The following ZNF268 variants were observed in gnomAD, a reference collection of about 807,000 sequenced individuals.
The protein encoded by ZNF268 is zinc finger protein 268, also known as zinc finger protein 3.
In ZNF268, 20 loss-of-function variants were observed where a neutral mutation model predicts 29.3. That is an observed-to-expected ratio of 0.68 (90% CI 0.48 to 0.99). The LOEUF is 0.99. Among genes scored for constraint, ZNF268 ranks in the 50% least tolerant of loss-of-function variants. The pLI is 0.00. For synonymous variants in ZNF268, 429 were observed against 376.9 expected, an observed-to-expected ratio of 1.14 and a Z score of -1.60; for missense variants, 1,240 against 1,121.6, an observed-to-expected ratio of 1.11 and a Z score of -1.51.
chr12:133,185,419 G>A (rs1956286496), intron 2 of ZNF268, among the ~76,000 whole-genome samples: 1 of 152,090 alleles, frequency 6.6e-6, no homozygotes, highest in Admixed American at 6.5e-5. Flanking sequence ...CTGGGGTAGG[G>A]AGTGAGAGAG....
chr12:133,182,425 G>C (rs908870061), intron 2 of ZNF268, among the ~76,000 whole-genome samples: 3 of 152,042 alleles, frequency 2.0e-5, no homozygotes, highest in African/African-American at 7.2e-5. Context: ...GCTGGACCCT[G>C]GGGCAGGTGC....
rs1426035104 is a variant in ZNF268, at chr12:133,207,439, A to G, written c.*2909A>G. 5.3e-5 allele frequency: 8 copies of G among 152,260 alleles called. No homozygotes were observed. In the South Asian group the frequency reaches 1.2e-3, roughly 24 times the overall value. The allele number at this position is 152,260 out of a possible 1,614,324, so 9.4% of individuals were successfully genotyped here. A position where few individuals can be genotyped will look rare whatever the true frequency, so the allele number is the denominator to read the frequency against. On this transcript the variant is annotated 3_prime_UTR_variant, in exon 6 of 6. Coordinates refer to ENST00000536435, the MANE Select transcript of ZNF268 (RefSeq NM_003415.3). ...GTCATGATATTAGGTTTAACAGACT[A>G]TTAGTGGATCCAGCATCCTTTGTTC...
At chr12:133,201,056 A>G (rs905360416) in intron 5 of ZNF268, among the ~76,000 whole-genome samples, 7 of 152,102 alleles carry the variant, frequency 4.6e-5, no homozygotes, top group Non-Finnish European at 8.8e-5. Context: ...TCCTGTTTAT[A>G]GGGAAATCAT....
In ZNF268 at chr12:133,204,313, A is replaced by C. The variant is rs745709420; in HGVS notation, c.2627A>C (p.Asn876Thr). ...GAGTGTGGAAAAGCCTTCATTAGGAATTCTCAACTCATTGTACATCAAAGA... is the reference window on the plus strand; with the variant it reads ...GAGTGTGGAAAAGCCTTCATTAGGACTTCTCAACTCATTGTACATCAAAGA... ...CSECGKAFIR[N>T]SQLIVHQRTH... The change falls in exon 6 of 6, where the codon AAT becomes ACT. Residue 876 changes from asparagine to threonine, a missense_variant. This residue lies in a region of ZNF268 where 1,177 missense variants were observed against 1,039.6 expected (regional missense o/e 1.13). Transcript: ENST00000536435. 5 of 1,560,598 alleles carry C rather than the reference A, an allele frequency of 3.2e-6. No individual in the cohort carries two copies. The South Asian group carries it at 5.8e-5, about 18-fold the overall frequency.
chr12:133,208,182 A>T lies in ZNF268; in HGVS notation c.*3652A>T, dbSNP rs1956932882. On this transcript the variant is annotated 3_prime_UTR_variant, in exon 6 of 6. Transcript: ENST00000536435. ...ACCAATATAGGGAGACCCTGTCTGTACAAAAACTTTTTAAAAAGATTAGCC... is the reference window on the plus strand; with the variant it reads ...ACCAATATAGGGAGACCCTGTCTGTTCAAAAACTTTTTAAAAAGATTAGCC... 1 of 152,102 alleles carries T rather than the reference A, an allele frequency of 6.6e-6. No individual in the cohort carries two copies. The highest frequency in any genetic ancestry group is 6.6e-5 in the Admixed American group (1 of 15,260). The allele number at this position is 152,102 out of a possible 1,614,324, so 9.4% of individuals were successfully genotyped here. A position where few individuals can be genotyped will look rare whatever the true frequency, so the allele number is the denominator to read the frequency against.
intron 3 of ZNF268, among the ~76,000 whole-genome samples, chr12:133,189,789 A>G (rs982786298): frequency 6.6e-6 from 1 of 152,130 alleles, no homozygotes; most frequent in African/African-American, 2.4e-5. Context: ...TTTAATAGAT[A>G]TGTAATAATT....
rs78376456 is a variant in ZNF268 at position 133,189,780 on chromosome 12, T to G, written c.234+1708T>G. Among the ~76,000 whole-genome samples, 906 of 152,324 alleles carry G rather than the reference T, an allele frequency of 5.9e-3. 7 individuals are homozygous for G. The highest frequency in any genetic ancestry group is 9.1e-3 in the Non-Finnish European group (616 of 68,034). ...GCTGTTAACTACAAATTTTATTTCT[T>G]TAATAGATATGTAATAATTAAGCTT... is the stretch of plus-strand genomic sequence containing the variant. On this transcript the variant is annotated intron_variant, in intron 3 of 5. Transcript: ENST00000536435.
chr12:133,191,041 G>T (rs1287736564), intron 3 of ZNF268, among the ~76,000 whole-genome samples: 1 of 152,108 alleles, frequency 6.6e-6, no homozygotes, highest in Non-Finnish European at 1.5e-5. Context: ...AAGAGGCCGG[G>T]CGCGGTGGCT....
rs1956915636 is a variant in ZNF268, at chr12:133,207,295, GTGAACATAGGTTTAAAAATCCATAT to G, written c.*2767_*2791del. 4.3e-5 allele frequency: 1 copy of G among 23,058 alleles called. No homozygotes were observed. Among genetic ancestry groups the G allele is most frequent in the Non-Finnish European group, 1.0e-4 (1 of 9,878 alleles). 1.4% of individuals were successfully genotyped at this position (23,058 alleles called of 1,614,324 possible). A position where few individuals can be genotyped will look rare whatever the true frequency, so the allele number is the denominator to read the frequency against. Reference sequence around the variant, plus strand: ...AAAAAATGACTTGCAAACCATATTTGTGAACATAGGTTTAAAAATCCATATTTGTGAACATAGGTTTAAAAATCCA... The same window carrying G: ...AAAAAATGACTTGCAAACCATATTTGTTGTGAACATAGGTTTAAAAATCCA... On this transcript the variant is annotated 3_prime_UTR_variant, in exon 6 of 6. Transcript: ENST00000536435.
intron 3 of ZNF268, among the ~76,000 whole-genome samples, chr12:133,189,404 A>T (rs1031218765): frequency 6.6e-6 from 1 of 151,910 alleles, no homozygotes; most frequent in Non-Finnish European, 1.5e-5. Flanking sequence ...TAGTAGAGAC[A>T]GGGTTTCACC....
chr12:133,197,122 A>G (rs1205803890), intron 5 of ZNF268, among the ~76,000 whole-genome samples: 4 of 150,176 alleles, frequency 2.7e-5, no homozygotes, highest in Non-Finnish European at 5.9e-5. Flanking sequence ...GTGCCATGCT[A>G]GTGTGCTGCA....
chr12:133,191,037 C>T (rs1956455371), intron 3 of ZNF268, among the ~76,000 whole-genome samples: 1 of 152,084 alleles, frequency 6.6e-6, no homozygotes, highest in African/African-American at 2.4e-5. Context: ...TGTAAAGAGG[C>T]CGGGCGCGGT....
chr12:133,192,762 C>T (rs569103993), intron 5 of ZNF268, among the ~76,000 whole-genome samples: 5 of 151,968 alleles, frequency 3.3e-5, no homozygotes, highest in African/African-American at 9.7e-5. Flanking sequence ...CTCTGCCTCC[C>T]GGGTCTCCTG....
rs372702028 is a variant in ZNF268, at chr12:133,203,385, C to T, written c.1699C>T (p.Arg567Trp). Residue 567 changes from arginine (R) to tryptophan (W), a missense_variant, in exon 6 of 6, where the codon CGG becomes TGG. By Grantham distance (101) the Arg-to-Trp change is moderately radical (BLOSUM62 -3). Around this residue, in one of 3 missense-constraint regions of ZNF268, gnomAD observed 1,177 missense variants for 1,039.6 expected, o/e 1.13. Coordinates refer to ENST00000536435, the MANE Select transcript of ZNF268 (RefSeq NM_003415.3). ...ECHECGKAFS[R>W]KYQLISHQRT... is the part of the protein sequence containing the mutation. ...CCATGAATGTGGGAAAGCCTTCAGT[C>T]GGAAATACCAGCTTATTTCACACCA... 2.6e-4 allele frequency: 405 copies of T among 1,546,678 alleles called. 2 individuals are homozygous for T. The highest frequency in any genetic ancestry group is 2.2e-3 in the South Asian group (187 of 84,528).
chr12:133,181,878 CG>C, intron 1 of ZNF268, 67 bp from the exon 2 acceptor site: 2 of 1,107,758 alleles, frequency 1.8e-6, no homozygotes, highest in Non-Finnish European at 1.3e-6. Context: ...CCTGGTGCCT[CG>C]GACCCTCCCC....
rs1956993090 is a variant in ZNF268, at chr12:133,212,313, TG to T, written c.*7785del. 6.6e-6 allele frequency: 1 copy of T among 151,544 alleles called. No individual in the cohort carries two copies. Among genetic ancestry groups the T allele is most frequent in the Non-Finnish European group, 1.5e-5 (1 of 67,954 alleles). The allele number at this position is 151,544 out of a possible 1,614,324, so 9.4% of individuals were successfully genotyped here. On this transcript the variant is annotated 3_prime_UTR_variant, in exon 6 of 6. Coordinates refer to ENST00000536435, the MANE Select transcript of ZNF268 (RefSeq NM_003415.3). ...TTGGTGAAATTATGCTGGGTGTGTG[TG>T]GAAGAGCCTGGGATGTATAATGCCA... is the stretch of plus-strand genomic sequence containing the variant.
At position 133,211,890 on chromosome 12, in the gene ZNF268, A is replaced by G. The variant is rs1325500112; in HGVS notation, c.*7360A>G. 1 of 152,250 alleles carries G rather than the reference A, an allele frequency of 6.6e-6. No homozygotes were observed. The highest frequency in any genetic ancestry group is 1.5e-5 in the Non-Finnish European group (1 of 68,046). 9.4% of individuals were successfully genotyped at this position (152,250 alleles called of 1,614,324 possible). On this transcript the variant is annotated 3_prime_UTR_variant, in exon 6 of 6. Transcript: ENST00000536435. ...GTATTTAGATAACTGCTTTGAAAAC[A>G]TAGGAGTTTGATCTAAACAAAACCC... is the stretch of plus-strand genomic sequence containing the variant.
At chr12:133,199,018 A>G (rs966943536) in intron 5 of ZNF268, among the ~76,000 whole-genome samples, 3 of 151,280 alleles carry the variant, frequency 2.0e-5, no homozygotes, top group South Asian at 2.1e-4. Context: ...CTAATTGAAT[A>G]CCCTTTATTT....
chr12:133,198,958 A>G (rs1454761416), intron 5 of ZNF268, among the ~76,000 whole-genome samples: 6 of 148,594 alleles, frequency 4.0e-5, no homozygotes, highest in Non-Finnish European at 8.9e-5. Flanking sequence ...GGTTTTCTAG[A>G]TATACAATCA....
Sources: allele counts gnomAD v4.1 joint callset (sites outside exome capture counted in the v4.1 genomes callset), GRCh38; gene constraint gnomAD v4.1.1; regional missense constraint gnomAD v4.1.1; transcripts MANE v1.5; gene names NCBI Gene and HGNC (gene_info 2026-07-23, HGNC 2026-07-21).